The following PITPNB variants were observed in gnomAD, a reference collection of about 807,000 sequenced individuals.
The protein encoded by PITPNB is phosphatidylinositol transfer protein beta.
A neutral mutation model predicts 45.9 loss-of-function variants in PITPNB; 16 were observed. The ratio of observed to expected loss-of-function variants is 0.35; its 90% CI spans 0.24 to 0.53. PITPNB has a LOEUF of 0.53. Among genes scored for constraint, PITPNB ranks in the 20% least tolerant of loss-of-function variants. PITPNB has a pLI of 0.93. For synonymous variants in PITPNB, 112 were observed against 108.9 expected, an observed-to-expected ratio of 1.03 and a Z score of -0.18; for missense variants, 188 against 330.5, an observed-to-expected ratio of 0.57 and a Z score of 3.34.
At chr22:27,884,452 C>A (rs762683668) in intron 7 of PITPNB, among the ~76,000 whole-genome samples, 5 of 152,220 alleles carry the variant, frequency 3.3e-5, no homozygotes, top group Non-Finnish European at 7.3e-5. Flanking sequence ...ACCCCTCCTA[C>A]TCTGCAGGGA....
intron 3 of PITPNB, among the ~76,000 whole-genome samples, chr22:27,899,248 T>C (rs74812975): frequency 2.6e-5 from 4 of 152,398 alleles, no homozygotes; most frequent in African/African-American, 4.8e-5. Flanking sequence ...GGTATTTTCA[T>C]ATGCCTTTCT....
intron 7 of PITPNB, among the ~76,000 whole-genome samples, chr22:27,880,844 A>G (rs1180432699): frequency 6.6e-6 from 1 of 152,070 alleles, no homozygotes; most frequent in African/African-American, 2.4e-5. Context: ...CTGGTCTCGA[A>G]CTCCCAACTT....
chr22:27,909,566 T>C (rs918179332), intron 3 of PITPNB, among the ~76,000 whole-genome samples: 2 of 152,076 alleles, frequency 1.3e-5, no homozygotes, highest in African/African-American at 4.8e-5. Context: ...GAAATACAAA[T>C]TTTAACAAGA....
intron 8 of PITPNB, 48 bp from the exon 9 acceptor site, chr22:27,860,289 G>C: frequency 1.7e-6 from 2 of 1,157,058 alleles, no homozygotes; most frequent in South Asian, 1.3e-5. Context: ...AAATATTTAT[G>C]TTTTCATTAA....
intron 9 of PITPNB, among the ~76,000 whole-genome samples, chr22:27,858,888 T>A (rs1301255871): frequency 6.6e-6 from 1 of 152,204 alleles, no homozygotes; most frequent in African/African-American, 2.4e-5. Context: ...CTATATATTG[T>A]CATTCTTAAC....
At chr22:27,876,412 T>C (rs1056095174) in intron 7 of PITPNB, among the ~76,000 whole-genome samples, 8 of 152,280 alleles carry the variant, frequency 5.3e-5, no homozygotes, top group African/African-American at 1.9e-4. Context: ...AAAGATATTA[T>C]ATTGAAAACG....
chr22:27,857,935 A>G (rs1934218979), intron 10 of PITPNB, among the ~76,000 whole-genome samples: 1 of 152,188 alleles, frequency 6.6e-6, no homozygotes, highest in African/African-American at 2.4e-5. Context: ...GCATTTCCAG[A>G]ATTAGTAACA....
chr22:27,855,207 T>C (rs1269191434), intron 10 of PITPNB, among the ~76,000 whole-genome samples: 15 of 152,180 alleles, frequency 9.9e-5, no homozygotes, highest in African/African-American at 3.4e-4. Flanking sequence ...AAACAGCCAA[T>C]GGGTAAACAA....
intron 3 of PITPNB, among the ~76,000 whole-genome samples, chr22:27,909,300 C>A (rs1935852258): frequency 6.9e-6 from 1 of 145,900 alleles, no homozygotes; most frequent in Admixed American, 7.2e-5. Context: ...CTCCTGAGCT[C>A]AAGCAATACT....
At chr22:27,897,211 T>C in intron 4 of PITPNB, 74 bp from the exon 5 acceptor site, 2 of 943,064 alleles carry the variant, frequency 2.1e-6, no homozygotes, top group South Asian at 1.3e-5. Flanking sequence ...AAACAATCTG[T>C]CCCAATACTT....
chr22:27,917,925 C>G (rs1601437632), intron 1 of PITPNB, among the ~76,000 whole-genome samples: 2 of 152,226 alleles, frequency 1.3e-5, no homozygotes, highest in Middle Eastern at 6.8e-3. Context: ...GAGAAGGTGA[C>G]GTCTGAGCAA....
intron 8 of PITPNB, among the ~76,000 whole-genome samples, chr22:27,862,224 AT>A (rs2146351594): frequency 6.6e-6 from 1 of 152,320 alleles, no homozygotes; most frequent in Admixed American, 6.5e-5. Flanking sequence ...TCAAAAAATG[AT>A]TAATTTCTAA....
In PITPNB at chr22:27,860,222, G is replaced by A; in HGVS notation, c.554C>T (p.Pro185Leu). The change falls in exon 9 of 12, where the codon CCT becomes CTT. Residue 185 changes from proline to leucine, a missense_variant. By Grantham distance (98) the Pro-to-Leu change is moderately conservative. Coordinates refer to ENST00000335272, the MANE Select transcript of PITPNB (RefSeq NM_012399.5). ...ATAGGCACACATCTGGGGACAGTCA[G>A]GGCTGTTTGCCAGCTCCTTCTAGAT... is the stretch of plus-strand genomic sequence containing the variant. ...PNWKKELANS[P>L]DCPQMCAYKL... 1 of 1,611,160 alleles carries A rather than the reference G, an allele frequency of 6.2e-7. No homozygotes were observed. The highest frequency in any genetic ancestry group is 2.2e-5 in the East Asian group (1 of 44,840).
Position 27,908,210 on chromosome 22 carries a change from T to C in PITPNB, c.197+2754A>G, listed in dbSNP as rs541289494. The stretch of plus-strand genomic sequence containing the variant: ...CTTTTCTTTCTCATAAAAATGAAAA[T>C]ACAGAAGAGAATATTTATCACCTGG... On this transcript the variant is annotated intron_variant, in intron 3 of 11. Coordinates refer to ENST00000335272, the MANE Select transcript of PITPNB (RefSeq NM_012399.5). Among the ~76,000 whole-genome samples the C allele has an allele frequency of 3.4e-5, 5 of 148,286 alleles. No homozygotes were observed. In the East Asian group the frequency reaches 1.1e-3, roughly 31 times the overall value.
At chr22:27,901,138 G>T (rs1385568980) in intron 3 of PITPNB, among the ~76,000 whole-genome samples, 2 of 152,204 alleles carry the variant, frequency 1.3e-5, no homozygotes, top group African/African-American at 4.8e-5. Context: ...AGCTGCTTAA[G>T]AGTGAAGAGT....
chr22:27,852,985 A>G lies in PITPNB; in HGVS notation c.*717T>C, dbSNP rs1439411421. 3 of 152,650 alleles carry G rather than the reference A, an allele frequency of 2.0e-5. No homozygotes were observed. The highest frequency in any genetic ancestry group is 2.9e-5 in the Non-Finnish European group (2 of 68,038). The allele number at this position is 152,650 out of a possible 1,614,324, so 9.5% of individuals were successfully genotyped here. On this transcript the variant is annotated 3_prime_UTR_variant, in exon 12 of 12. Transcript: ENST00000335272. Reference sequence around the variant, plus strand: ...TTTTTTTTAAAAGGATTTTTCCCTCAGGGCAAACAAGTAAAAACTGGCCTG... The same window carrying G: ...TTTTTTTTAAAAGGATTTTTCCCTCGGGGCAAACAAGTAAAAACTGGCCTG...
At chr22:27,914,279 T>C (rs755809392) in intron 2 of PITPNB, 38 bp downstream of exon 2, 14 of 1,344,618 alleles carry the variant, frequency 1.0e-5, no homozygotes, top group East Asian at 2.3e-5. Flanking sequence ...GTACAGTACA[T>C]ATACCAATAA....
Position 27,854,974 on chromosome 22 carries a change from CA to C in PITPNB, c.769-36del, listed in dbSNP as rs1934130170. On this transcript the variant is annotated intron_variant, in intron 10 of 11. Transcript: ENST00000335272. Reference sequence around the variant, plus strand: ...AAATAAAATTGTGAGCTGCTGAAATCAGACTCTAAATAGGGGTTAGTAAGCA... The same window carrying C: ...AAATAAAATTGTGAGCTGCTGAAATCGACTCTAAATAGGGGTTAGTAAGCA... The C allele has an allele frequency of 2.0e-6, 3 of 1,487,166 alleles. No individual in the cohort carries two copies. In the South Asian group the frequency reaches 3.4e-5, roughly 17 times the overall value. 92.1% of individuals were successfully genotyped at this position (1,487,166 alleles called of 1,614,324 possible).
intron 8 of PITPNB, among the ~76,000 whole-genome samples, chr22:27,870,120 C>G (rs1469095025): frequency 6.6e-6 from 1 of 152,218 alleles, no homozygotes; most frequent in Admixed American, 6.5e-5. Flanking sequence ...ACTGCTGTAA[C>G]TACCACCGAA....
Sources: allele counts gnomAD v4.1 joint callset (sites outside exome capture counted in the v4.1 genomes callset), GRCh38; gene constraint gnomAD v4.1.1; transcripts MANE v1.5; gene names NCBI Gene and HGNC (gene_info 2026-07-23, HGNC 2026-07-21).